Variants in ATP6V1C1 observed in about 807,000 individuals in gnomAD.
ATP6V1C1 encodes the protein ATPase H+ transporting V1 subunit C1.
Under a neutral mutation model 53.9 loss-of-function variants are expected in ATP6V1C1, and 45 were observed. The observed-to-expected ratio is 0.83, with a 90% CI of 0.66 to 1.07. The LOEUF is 1.07. Ranked by LOEUF, ATP6V1C1 falls within the 50% of genes least tolerant of loss-of-function variation. The pLI is 0.00. For synonymous variants in ATP6V1C1, 153 were observed against 155.2 expected (o/e 0.99, Z 0.11); for missense variants, 315 against 440.3 (o/e 0.72, Z 2.55).
At chr8:103,050,065 A>G (rs1206321408) in intron 4 of ATP6V1C1, among the ~76,000 whole-genome samples, 1 of 152,240 alleles carries the variant, frequency 6.6e-6, no homozygotes, top group Non-Finnish European at 1.5e-5. Flanking sequence ...TGTTCCTGAA[A>G]TCTCATTTCT....
chr8:103,045,717 G>A (rs60365297), intron 3 of ATP6V1C1, among the ~76,000 whole-genome samples: 2,856 of 152,152 alleles, frequency 0.019, 74 homozygotes, highest in African/African-American at 0.064. Context: ...CAAGGTGGGC[G>A]GATCATGAGG....
intron 3 of ATP6V1C1, among the ~76,000 whole-genome samples, chr8:103,047,454 ACACACACAC>A (rs1307631181): frequency 0.044 from 5,273 of 120,396 alleles, 117 homozygotes; most frequent in Non-Finnish European, 0.049. Context: ...ACACACACAC[ACACACACAC>A]ATTTTTTTTT....
intron 12 of ATP6V1C1, among the ~76,000 whole-genome samples, chr8:103,067,184 A>G (rs1222632963): frequency 6.6e-6 from 1 of 152,020 alleles, no homozygotes; most frequent in Non-Finnish European, 1.5e-5. Flanking sequence ...GGATCACCTT[A>G]AGTCAGGAGT....
chr8:103,058,773 A>C (rs1451700930), intron 8 of ATP6V1C1, among the ~76,000 whole-genome samples: 1 of 152,242 alleles, frequency 6.6e-6, no homozygotes, highest in Non-Finnish European at 1.5e-5. Context: ...AAGTTCACAA[A>C]ATATAACTAT....
chr8:103,049,663 A>G (rs886250894), intron 4 of ATP6V1C1, among the ~76,000 whole-genome samples: 2 of 152,162 alleles, frequency 1.3e-5, no homozygotes, highest in East Asian at 1.9e-4. Flanking sequence ...TGAGCTGGGC[A>G]TGGTGGCTCA....
intron 11 of ATP6V1C1, 134 bp from the exon 12 acceptor site, chr8:103,066,187 G>T (rs1027222606): frequency 4.8e-6 from 5 of 1,048,228 alleles, no homozygotes; most frequent in Non-Finnish European, 5.2e-6. Flanking sequence ...TATATTAGTT[G>T]AACTTGTAAA....
intron 1 of ATP6V1C1, among the ~76,000 whole-genome samples, chr8:103,034,704 G>A (rs1354333539): frequency 1.3e-5 from 2 of 152,168 alleles, no homozygotes; most frequent in East Asian, 3.9e-4. Context: ...GAGTAGCTGG[G>A]ATTACAGGCG....
intron 12 of ATP6V1C1, 67 bp from the exon 13 acceptor site, chr8:103,068,585 T>C: frequency 8.0e-7 from 1 of 1,246,832 alleles, no homozygotes; most frequent in Non-Finnish European, 1.1e-6. Flanking sequence ...AGGTAAATGT[T>C]AATACTTGCT....
intron 1 of ATP6V1C1, among the ~76,000 whole-genome samples, chr8:103,031,811 A>T (rs191317772): frequency 6.6e-6 from 1 of 152,336 alleles, no homozygotes; most frequent in Non-Finnish European, 1.5e-5. Flanking sequence ...GTGGTTTAAC[A>T]TACATGTGAT....
At chr8:103,062,536 T>G (rs573957209) in intron 8 of ATP6V1C1, among the ~76,000 whole-genome samples, 9 of 152,112 alleles carry the variant, frequency 5.9e-5, no homozygotes, top group Admixed American at 1.3e-4. Context: ...GTACTGGCAA[T>G]GCAGAGAGGC....
At chr8:103,031,023 T>G (rs1371890560) in intron 1 of ATP6V1C1, among the ~76,000 whole-genome samples, 1 of 152,108 alleles carries the variant, frequency 6.6e-6, no homozygotes, top group Non-Finnish European at 1.5e-5. Flanking sequence ...ATCAAGCTGA[T>G]CCTCCCCTAA....
At chr8:103,050,262 C>T (rs907854480) in intron 4 of ATP6V1C1, among the ~76,000 whole-genome samples, 2 of 152,088 alleles carry the variant, frequency 1.3e-5, no homozygotes, top group African/African-American at 2.4e-5. Context: ...TGATCTTCTA[C>T]GTATTTTATG....
At chr8:103,051,675 C>T (rs1817202908) in intron 5 of ATP6V1C1, among the ~76,000 whole-genome samples, 1 of 152,212 alleles carries the variant, frequency 6.6e-6, no homozygotes, top group South Asian at 2.1e-4. Flanking sequence ...TGCATGAACC[C>T]ACCAAGTTAA....
intron 10 of ATP6V1C1, 191 bp downstream of exon 10, chr8:103,063,419 T>G: frequency 2.0e-6 from 1 of 503,126 alleles, no homozygotes; most frequent in Non-Finnish European, 3.5e-6. Context: ...CTATTCTATT[T>G]CTAAGAAAGC....
intron 5 of ATP6V1C1, among the ~76,000 whole-genome samples, chr8:103,051,606 G>T (rs138464360): frequency 9.9e-5 from 15 of 152,120 alleles, no homozygotes; most frequent in African/African-American, 3.4e-4. Flanking sequence ...AAAAATTCCC[G>T]TATTCGTGTG....
intron 1 of ATP6V1C1, among the ~76,000 whole-genome samples, chr8:103,034,521 A>T (rs1484672097): frequency 6.6e-6 from 1 of 152,190 alleles, no homozygotes; most frequent in Non-Finnish European, 1.5e-5. Context: ...CTGCAAAGAT[A>T]AATTTTGTTT....
intron 1 of ATP6V1C1, among the ~76,000 whole-genome samples, chr8:103,024,270 G>A (rs1239782572): frequency 6.6e-6 from 1 of 152,168 alleles, no homozygotes; most frequent in East Asian, 1.9e-4. Flanking sequence ...GTGTAATTCA[G>A]CTTTTAAAAC....
At chr8:103,057,625 C>G (rs1157204487) in intron 8 of ATP6V1C1, among the ~76,000 whole-genome samples, 1 of 152,222 alleles carries the variant, frequency 6.6e-6, no homozygotes, top group Non-Finnish European at 1.5e-5. Context: ...CTGCTACCAA[C>G]TTGCTGTGTG....
At chr8:103,050,719 TGAG>T (rs3830392) in intron 4 of ATP6V1C1, among the ~76,000 whole-genome samples, 39,585 of 151,956 alleles carry the variant, frequency 0.26, 5,947 homozygotes, top group Admixed American at 0.39. Flanking sequence ...TTCTACTTAT[TGAG>T]GAGATAATTT....
Sources: allele counts gnomAD v4.1 joint callset (sites outside exome capture counted in the v4.1 genomes callset), GRCh38; gene constraint gnomAD v4.1.1; transcripts MANE v1.5; gene names NCBI Gene and HGNC (gene_info 2026-07-23, HGNC 2026-07-21).